Variants in MVK observed in about 807,000 individuals in gnomAD.
The protein encoded by MVK is mevalonate kinase.
MVK carries 34 observed loss-of-function variants against 43.2 expected under a neutral mutation model. The observed-to-expected ratio is 0.79, with a 90% CI of 0.60 to 1.05. The LOEUF (loss-of-function observed/expected upper bound fraction) is 1.05, where lower values mean the gene tolerates loss of function less well. Ranked by LOEUF, MVK falls within the 50% of genes least tolerant of loss-of-function variation. MVK has a pLI of 0.00. For synonymous variants in MVK, 190 were observed against 219.8 expected (o/e 0.86, Z 1.20); for missense variants, 395 against 504.0 (o/e 0.78, Z 2.07).
chr12:109,586,966 G>T, intron 7 of MVK, 167 bp downstream of exon 7: 1 of 743,074 alleles, frequency 1.3e-6, no homozygotes, highest in South Asian at 1.6e-5. Context: ...GGGTGGTGGG[G>T]AAGACCTGCT....
chr12:109,584,317 A>G (rs1007532109), intron 5 of MVK, among the ~76,000 whole-genome samples: 2 of 152,184 alleles, frequency 1.3e-5, no homozygotes, highest in Non-Finnish European at 1.5e-5. Context: ...GCAGATGAAG[A>G]AAGAGACTCA....
intron 7 of MVK, chr12:109,588,343 G>C (rs1432025245): frequency 6.6e-6 from 1 of 152,328 alleles, no homozygotes; most frequent in Non-Finnish European, 1.5e-5. Context: ...CATTCCTTCA[G>C]TGTCTCCTGA....
intron 3 of MVK, among the ~76,000 whole-genome samples, chr12:109,578,446 G>A (rs1330318901): frequency 6.6e-6 from 1 of 151,578 alleles, no homozygotes; most frequent in Non-Finnish European, 1.5e-5. Context: ...CACTAAGTGT[G>A]TTCACATATG....
chr12:109,582,316 T>TTTTG (rs201036800), intron 5 of MVK, among the ~76,000 whole-genome samples: 665 of 38,004 alleles, frequency 0.017, 8 homozygotes, highest in Middle Eastern at 0.083. Context: ...AGCTTGGTTT[T>TTTTG]TTTGTTTGTT....
intron 6 of MVK, 134 bp from the exon 7 acceptor site, chr12:109,586,619 GC>G (rs1885443535): frequency 3.2e-6 from 3 of 948,704 alleles, no homozygotes. Context: ...TGTAACTGAA[GC>G]TGGGCTGACT....
chr12:109,596,712 G>A lies in MVK; in HGVS notation c.*135G>A. The stretch of plus-strand genomic sequence containing the variant: ...GGAGAGGCCCCAGCCGCTTGGCGAT[G>A]CCAGCCAAGCTCTGCAGTCCCAGCG... On this transcript the variant is annotated 3_prime_UTR_variant, in exon 11 of 11. Transcript: ENST00000228510. 1 of 1,277,498 alleles carries A rather than the reference G, an allele frequency of 7.8e-7. No homozygotes were observed. The highest frequency in any genetic ancestry group is 2.5e-5 in the East Asian group (1 of 39,564). 79.1% of individuals were successfully genotyped at this position (1,277,498 alleles called of 1,614,324 possible).
intron 5 of MVK, among the ~76,000 whole-genome samples, chr12:109,584,877 C>T (rs1218100604): frequency 1.3e-5 from 2 of 152,146 alleles, no homozygotes; most frequent in African/African-American, 2.4e-5. Flanking sequence ...AAGAGCGAAA[C>T]TCCATCTCAA....
intron 10 of MVK, 63 bp from the exon 11 acceptor site, chr12:109,596,360 GAAT>G: frequency 6.4e-7 from 1 of 1,567,676 alleles, no homozygotes; most frequent in Non-Finnish European, 8.6e-7. Flanking sequence ...CTTTTGCCTT[GAAT>G]ATGATGAGCT....
chr12:109,596,511 C>T lies in MVK; in HGVS notation c.1125C>T (p.Pro375=), dbSNP rs943435428. The change falls in exon 11 of 11, where the codon CCC becomes CCT. Residue 375 remains proline (P), a synonymous_variant. Transcript: ENST00000228510. ...FDCLETSIGA[P]GVSIHSATSL... ...GCTTGGAAACCAGCATCGGTGCCCC[C>T]GGCGTCTCCATCCACTCAGCCACCT... The T allele has an allele frequency of 1.1e-5, 17 of 1,612,934 alleles. No individual in the cohort carries two copies. The highest frequency in any genetic ancestry group is 2.7e-5 in the African/African-American group (2 of 74,954).
intron 3 of MVK, chr12:109,579,294 C>T (rs1374055819): frequency 2.6e-6 from 1 of 388,094 alleles, no homozygotes; most frequent in African/African-American, 2.1e-5. Context: ...TGTGCGCCAC[C>T]ATGCCTGGCT....
chr12:109,586,200 C>T, intron 6 of MVK, 75 bp downstream of exon 6: 1 of 1,179,386 alleles, frequency 8.5e-7, no homozygotes, highest in Non-Finnish European at 1.2e-6. Flanking sequence ...GCCCAAGAGT[C>T]TGTGCTGGTT....
At chr12:109,581,769 C>T (rs892961169) in intron 5 of MVK, among the ~76,000 whole-genome samples, 1 of 152,224 alleles carries the variant, frequency 6.6e-6, no homozygotes, top group Non-Finnish European at 1.5e-5. Flanking sequence ...GAGCTTTTCT[C>T]TCCTGCTCTC....
Position 109,592,299 on chromosome 12 carries a change from G to A in MVK, c.885+942G>A, listed in dbSNP as rs79119116. Among the ~76,000 whole-genome samples the A allele has an allele frequency of 1.1e-4, 16 of 152,344 alleles. No homozygotes were observed. The East Asian group carries it at 3.1e-3, about 29-fold the overall frequency. Reference sequence around the variant, plus strand: ...TGCTATGAGCTTAGGGAACCAAAGAGCCCAGGCTCCCCCTGGACACAGTCC... The same window carrying A: ...TGCTATGAGCTTAGGGAACCAAAGAACCCAGGCTCCCCCTGGACACAGTCC... On this transcript the variant is annotated intron_variant, in intron 9 of 10. Transcript: ENST00000228510.
Position 109,581,417 on chromosome 12 carries a change from GT to G in MVK, c.395del (p.Val132GlufsTer27). ...CAGGGCCCTGCCGAGCCTGGATATC[GT>G]AGTGTGGTCGGAGCTGCCCCCCGGG... ...KQRALPSLDI[V>X]VWSELPPGAG... On this transcript the variant is annotated frameshift_variant, in exon 5 of 11. Transcript: ENST00000228510. LOFTEE classifies it high-confidence loss of function. 6.2e-7 allele frequency: 1 copy of G among 1,614,090 alleles called. No individual in the cohort carries two copies. The highest frequency in any genetic ancestry group is 2.2e-5 in the East Asian group (1 of 44,858).
chr12:109,574,621 C>G (rs961012957), intron 1 of MVK, among the ~76,000 whole-genome samples, 188 bp from the exon 2 acceptor site: 2 of 152,226 alleles, frequency 1.3e-5, no homozygotes, highest in Non-Finnish European at 2.9e-5. Flanking sequence ...GAAGAGCTGG[C>G]ATTTGAACCC....
At chr12:109,592,134 C>T (rs1885711983) in intron 9 of MVK, among the ~76,000 whole-genome samples, 1 of 152,216 alleles carries the variant, frequency 6.6e-6, no homozygotes, top group Non-Finnish European at 1.5e-5. Context: ...GTCCCAGCTA[C>T]TCGAGAGGCT....
intron 5 of MVK, 73 bp downstream of exon 5, chr12:109,581,623 C>A (rs543955008): frequency 8.4e-5 from 135 of 1,599,418 alleles, no homozygotes; most frequent in Non-Finnish European, 1.1e-4. Context: ...CTCACTGAGA[C>A]CTCACCACCT....
At chr12:109,586,725 A>G (rs773213636) in intron 6 of MVK, 29 bp from the exon 7 acceptor site, 1 of 1,613,824 alleles carries the variant, frequency 6.2e-7, no homozygotes, top group South Asian at 1.1e-5. Context: ...CTTTTCCCAC[A>G]GCTCTGACCC....
Position 109,574,791 on chromosome 12 carries a change from A to G in MVK, c.-14-18A>G, listed in dbSNP as rs1384609782. 1 of 1,567,236 alleles carries G rather than the reference A, an allele frequency of 6.4e-7. No individual in the cohort carries two copies. The highest frequency in any genetic ancestry group is 1.2e-5 in the South Asian group (1 of 85,594). ...ACATCTAGAGATCTTTGCTCTTCTCATTGGCTTTCCCTTTTAGGATTCCCA... is the reference window on the plus strand; with the variant it reads ...ACATCTAGAGATCTTTGCTCTTCTCGTTGGCTTTCCCTTTTAGGATTCCCA... On this transcript the variant is annotated intron_variant, in intron 1 of 10. Transcript: ENST00000228510.
Sources: allele counts gnomAD v4.1 joint callset (sites outside exome capture counted in the v4.1 genomes callset), GRCh38; gene constraint gnomAD v4.1.1; transcripts MANE v1.5; gene names NCBI Gene and HGNC (gene_info 2026-07-23, HGNC 2026-07-21).